Variants in RLBP1 observed in about 807,000 individuals in gnomAD.
RLBP1 encodes retinaldehyde binding protein 1, also known as retinaldehyde-binding protein 1.
In RLBP1, 26 loss-of-function variants were observed where a neutral mutation model predicts 36.2. The ratio of observed to expected loss-of-function variants is 0.72; its 90% CI spans 0.53 to 1.00. The LOEUF is 1.00. Among genes scored for constraint, RLBP1 ranks in the 50% least tolerant of loss-of-function variants. The probability of loss-of-function intolerance (pLI) is 0.00; values close to 1 mark genes in which losing one functional copy is unlikely to be tolerated. For missense variants in RLBP1, 410 were observed against 402.4 expected, an observed-to-expected ratio of 1.02 and a Z score of -0.16; for synonymous variants, 155 against 156.2, an observed-to-expected ratio of 0.99 and a Z score of 0.06.
intron 6 of RLBP1, among the ~76,000 whole-genome samples, chr15:89,213,603 T>A (rs2051555626): frequency 6.6e-6 from 1 of 152,224 alleles, no homozygotes; most frequent in Non-Finnish European, 1.5e-5. Flanking sequence ...AAAACCTTTT[T>A]ATTTTTCAGA....
chr15:89,212,479 G>A (rs577001577), intron 6 of RLBP1, among the ~76,000 whole-genome samples: 19 of 151,574 alleles, frequency 1.3e-4, no homozygotes, highest in Non-Finnish European at 2.2e-4. Context: ...AGCTACTTTG[G>A]GAGGCTGAGG....
chr15:89,215,148 C>A lies in RLBP1; in HGVS notation c.437G>T (p.Gly146Val). 6.2e-7 allele frequency: 1 copy of A among 1,614,228 alleles called. No individual in the cohort carries two copies. The highest frequency in any genetic ancestry group is 1.6e-4 in the Middle Eastern group (1 of 6,062). ...ATACTTGTCCCGACTAGAGAGGACA[C>A]CAGGGTAGCCAGCTTCAATGGTGCA... is the stretch of plus-strand genomic sequence containing the variant. Reference protein sequence around the residue: ...VRCTIEAGYPGVLSSRDKYGR... With the variant: ...VRCTIEAGYPVVLSSRDKYGR... Residue 146 changes from glycine (G) to valine (V), a missense_variant, in exon 6 of 9, where the codon GGT becomes GTT. Coordinates refer to ENST00000268125, the MANE Select transcript of RLBP1 (RefSeq NM_000326.5).
At chr15:89,221,460 G>C (rs1457305380) in intron 1 of RLBP1, 75 bp downstream of exon 1, 1 of 127,678 alleles carries the variant, frequency 7.8e-6, no homozygotes, top group East Asian at 2.5e-4. Flanking sequence ...CTTGGGACGT[G>C]GTCTCCCTGC....
rs762569341 is a variant in RLBP1, at chr15:89,218,691, C to T, written c.15G>A (p.Val5=). Residue 5 remains valine (V), a splice_region_variant and synonymous_variant, in exon 4 of 9, where the codon GTG becomes GTA. Coordinates refer to ENST00000268125, the MANE Select transcript of RLBP1 (RefSeq NM_000326.5). The surrounding 1 kb of genome is among the most constrained non-coding windows in gnomAD (Gnocchi z 4.6). ...CTTCAGGTACCATGCGGAACGTGCC[C>T]ACCTGGGCAGAGAAAGGAAAAAGAG... MSEG[V]GTFRMVPEEE... 4 of 1,613,962 alleles carry T rather than the reference C, an allele frequency of 2.5e-6. No homozygotes were observed. The highest frequency in any genetic ancestry group is 1.6e-4 in the Middle Eastern group (1 of 6,084).
chr15:89,219,434 C>G (rs1331411380), intron 2 of RLBP1: 4 of 195,908 alleles, frequency 2.0e-5, no homozygotes, highest in African/African-American at 9.3e-5. Context: ...AATCTCTCCT[C>G]CCTCCTGTGG....
At position 89,210,545 on chromosome 15, in the gene RLBP1, G is replaced by A; in HGVS notation, c.796-102C>T. Reference sequence around the variant, plus strand: ...GGAGGACAAAGCCCCATCATGTGCAGTCTTTGCCTGGCGACACCTCTCTCC... The same window carrying A: ...GGAGGACAAAGCCCCATCATGTGCAATCTTTGCCTGGCGACACCTCTCTCC... On this transcript the variant is annotated intron_variant, in intron 8 of 8. Coordinates refer to ENST00000268125, the MANE Select transcript of RLBP1 (RefSeq NM_000326.5). The surrounding 1 kb of genome is among the most constrained non-coding windows in gnomAD (Gnocchi z 4.7). 1 of 1,410,458 alleles carries A rather than the reference G, an allele frequency of 7.1e-7. No homozygotes were observed. Among genetic ancestry groups the A allele is most frequent in the Non-Finnish European group, 1.0e-6 (1 of 1,003,540 alleles). The allele number at this position is 1,410,458 out of a possible 1,614,324, so 87.4% of individuals were successfully genotyped here.
At chr15:89,216,679 C>A (rs988304950) in intron 5 of RLBP1, among the ~76,000 whole-genome samples, 1 of 152,176 alleles carries the variant, frequency 6.6e-6, no homozygotes, top group Non-Finnish European at 1.5e-5. Flanking sequence ...GCGGTTCTGT[C>A]CCCGGGGTTC....
intron 2 of RLBP1, 128 bp from the exon 3 acceptor site, chr15:89,219,203 T>C (rs1225088600): frequency 6.5e-6 from 4 of 618,026 alleles, no homozygotes; most frequent in Non-Finnish European, 1.2e-5. Context: ...TCCATGATTC[T>C]GACTCTGCAG....
chr15:89,211,976 C>T lies in RLBP1; in HGVS notation c.526-75G>A. Reference sequence around the variant, plus strand: ...AAGGCTTGAGGTCCTGAGGGGAGAGCTAATTGGTACATTCTTCACTGGGGT... The same window carrying T: ...AAGGCTTGAGGTCCTGAGGGGAGAGTTAATTGGTACATTCTTCACTGGGGT... On this transcript the variant is annotated intron_variant, in intron 6 of 8. Coordinates refer to ENST00000268125, the MANE Select transcript of RLBP1 (RefSeq NM_000326.5). The surrounding 1 kb of genome is among the most constrained non-coding windows in gnomAD (Gnocchi z 5.8). 2 of 1,473,722 alleles carry T rather than the reference C, an allele frequency of 1.4e-6. No individual in the cohort carries two copies. Among genetic ancestry groups the T allele is most frequent in the Non-Finnish European group, 1.9e-6 (2 of 1,062,380 alleles). The allele number at this position is 1,473,722 out of a possible 1,614,324, so 91.3% of individuals were successfully genotyped here. A position where few individuals can be genotyped will look rare whatever the true frequency, so the allele number is the denominator to read the frequency against.
chr15:89,215,059 C>T lies in RLBP1; in HGVS notation c.525+1G>A. 6.2e-7 allele frequency: 1 copy of T among 1,614,194 alleles called. No homozygotes were observed. The highest frequency in any genetic ancestry group is 8.5e-7 in the Non-Finnish European group (1 of 1,180,020). On this transcript the variant is annotated splice_donor_variant, in intron 6 of 8. Coordinates refer to ENST00000268125, the MANE Select transcript of RLBP1 (RefSeq NM_000326.5). LOFTEE classifies it high-confidence loss of function. ...TGGGAGCCAGGCGAGCCCCCACTAA[C>T]CTCATCAAAGGTGATTTCTTGACTT...
chr15:89,217,273 C>G lies in RLBP1; in HGVS notation c.193G>C (p.Glu65Gln), dbSNP rs759789501. The G allele has an allele frequency of 6.2e-7, 1 of 1,609,998 alleles. No homozygotes were observed. Among genetic ancestry groups the G allele is most frequent in the East Asian group, 2.2e-5 (1 of 44,886 alleles). ...REETREEAVR[E>Q]LQEMVQAQAA... The stretch of plus-strand genomic sequence containing the variant: ...TGCGCCTGCACCATCTCCTGCAGCT[C>G]TCGCACTGCCTCCTCCCGGGTCTCC... The change falls in exon 5 of 9, where the codon GAG (glutamate) becomes CAG (glutamine). Residue 65 changes from glutamate to glutamine, a missense_variant. By Grantham distance (29) the Glu-to-Gln change is conservative. Coordinates refer to ENST00000268125, the MANE Select transcript of RLBP1 (RefSeq NM_000326.5).
In RLBP1 at chr15:89,214,988, G is replaced by A. The variant is rs995743395; in HGVS notation, c.525+72C>T. On this transcript the variant is annotated intron_variant, in intron 6 of 8. Transcript: ENST00000268125. This position sits in a 1 kb window ranked among gnomAD's most constrained non-coding sequence, Gnocchi z 4.6. ...TGCCTCCTGGAGAACCAGGAATGAG[G>A]GCCCAGTAGAGGCCAGGGTTGAGGG... 8.9e-5 allele frequency: 134 copies of A among 1,500,302 alleles called. No homozygotes were observed. The highest frequency in any genetic ancestry group is 1.2e-4 in the Non-Finnish European group (126 of 1,077,564). 92.9% of individuals were successfully genotyped at this position (1,500,302 alleles called of 1,614,324 possible). A position where few individuals can be genotyped will look rare whatever the true frequency, so the allele number is the denominator to read the frequency against.
At chr15:89,216,537 G>A (rs972324518) in intron 5 of RLBP1, among the ~76,000 whole-genome samples, 2 of 152,148 alleles carry the variant, frequency 1.3e-5, no homozygotes, top group Admixed American at 1.3e-4. Context: ...GGTCAGGCTG[G>A]TCTCAAACCC....
rs566925151 is a variant in RLBP1, at chr15:89,210,097, G to C, written c.*188C>G. 10 of 644,108 alleles carry C rather than the reference G, an allele frequency of 1.6e-5. No individual in the cohort carries two copies. The African/African-American group carries it at 1.8e-4, about 12-fold the overall frequency. 39.9% of individuals were successfully genotyped at this position (644,108 alleles called of 1,614,324 possible). On this transcript the variant is annotated 3_prime_UTR_variant, in exon 9 of 9. Transcript: ENST00000268125. The surrounding 1 kb of genome is among the most constrained non-coding windows in gnomAD (Gnocchi z 4.7). ...ACTATCCCCAGTTCTTCTTGTTCAA[G>C]GGAATTCCCCCTCCTTTATTACCCA... is the stretch of plus-strand genomic sequence containing the variant.
chr15:89,217,056 G>A, intron 5 of RLBP1, 64 bp downstream of exon 5: 3 of 1,537,710 alleles, frequency 2.0e-6, no homozygotes, highest in South Asian at 2.3e-5. Flanking sequence ...GCCAGGATGA[G>A]AGCGGATAGC....
chr15:89,217,448 C>G, intron 4 of RLBP1, 124 bp from the exon 5 acceptor site: 1 of 914,398 alleles, frequency 1.1e-6, no homozygotes, highest in Non-Finnish European at 1.8e-6. Context: ...GCAGCCGCAG[C>G]TTTGCTTTTC....
intron 2 of RLBP1, 152 bp downstream of exon 2, chr15:89,219,585 C>T (rs187402474): frequency 6.2e-5 from 10 of 161,588 alleles, no homozygotes; most frequent in African/African-American, 1.9e-4. Flanking sequence ...GTGTTCTGTG[C>T]TTTGTGATGC....
rs1315933051 is a variant in RLBP1, at chr15:89,218,335, A to G, written c.141+230T>C. On this transcript the variant is annotated intron_variant, in intron 4 of 8. Transcript: ENST00000268125. The surrounding 1 kb of genome is among the most constrained non-coding windows in gnomAD (Gnocchi z 4.6). ...TCTAGTTTAGAGGGCCCTAGTTCCG[A>G]GGCTCTGGGCTGTAGTCTTGGGTTG... Among the ~76,000 whole-genome samples, 1 of 152,128 alleles carries G rather than the reference A, an allele frequency of 6.6e-6. No homozygotes were observed. The highest frequency in any genetic ancestry group is 1.5e-5 in the Non-Finnish European group (1 of 68,022).
chr15:89,212,516 C>T (rs927772675), intron 6 of RLBP1, among the ~76,000 whole-genome samples: 17 of 145,462 alleles, frequency 1.2e-4, no homozygotes, highest in Admixed American at 7.1e-4. Flanking sequence ...ACTTGAGAGG[C>T]AGAGGTTGCA....
Sources: gnomAD v4.1 joint callset for allele counts (sites outside exome capture counted in the v4.1 genomes callset) on GRCh38, gnomAD v4.1.1 for gene constraint, Gnocchi (gnomAD v3.1) non-coding constraint, MANE v1.5 for transcripts, NCBI Gene and HGNC (gene_info 2026-07-23, HGNC 2026-07-21) for gene names.